Variants in OGDH observed in about 807,000 individuals in gnomAD.
OGDH encodes the protein oxoglutarate dehydrogenase.
OGDH carries 38 observed loss-of-function variants against 116.6 expected under a neutral mutation model. The ratio of observed to expected loss-of-function variants is 0.33; its 90% CI spans 0.25 to 0.43. The LOEUF is 0.43. Among genes scored for constraint, OGDH ranks in the 20% least tolerant of loss-of-function variants. The probability of loss-of-function intolerance (pLI) is 1.00; values close to 1 mark genes in which losing one functional copy is unlikely to be tolerated. For synonymous variants in OGDH, 488 were observed against 533.3 expected, an observed-to-expected ratio of 0.92 and a Z score of 1.17; for missense variants, 825 against 1,357.2, an observed-to-expected ratio of 0.61 and a Z score of 6.16.
At chr7:44,664,599 C>G (rs1278278959) in intron 4 of OGDH, among the ~76,000 whole-genome samples, 2 of 151,518 alleles carry the variant, frequency 1.3e-5, no homozygotes, top group African/African-American at 4.8e-5. Context: ...AAAAGAAATT[C>G]CAGGGAACTC....
Position 44,697,005 on chromosome 7 carries a change from C to A in OGDH, c.1992C>A (p.Leu664=), listed in dbSNP as rs764089530. The change falls in exon 15 of 23, where the codon CTC becomes CTA. Residue 664 remains leucine, a synonymous_variant. Coordinates refer to ENST00000222673, the MANE Select transcript of OGDH (RefSeq NM_002541.4). This position sits in a 1 kb window ranked among gnomAD's most constrained non-coding sequence, Gnocchi z 6.0. ...ALAEYMAFGS[L]LKEGIHIRLS... ...CGGAGTACATGGCGTTTGGCTCGCT[C>A]CTGAAGGAGGGCATCCACATTCGGC... The A allele has an allele frequency of 3.6e-5, 58 of 1,614,070 alleles. No homozygotes were observed. In the South Asian group the frequency reaches 4.2e-4, roughly 12 times the overall value.
At chr7:44,610,277 G>A (rs1041977405) in intron 1 of OGDH, among the ~76,000 whole-genome samples, 2 of 152,034 alleles carry the variant, frequency 1.3e-5, no homozygotes, top group African/African-American at 2.4e-5. Flanking sequence ...CTAGTCAGCA[G>A]CATGTCTTTT....
At chr7:44,634,539 C>T (rs1398537672) in intron 2 of OGDH, among the ~76,000 whole-genome samples, 4 of 152,202 alleles carry the variant, frequency 2.6e-5, no homozygotes, top group African/African-American at 7.2e-5. Flanking sequence ...ATTTACACAC[C>T]TGTACAGACA....
intron 10 of OGDH, among the ~76,000 whole-genome samples, chr7:44,687,091 A>ATTTTTTTTT (rs59074567): frequency 3.5e-4 from 33 of 95,540 alleles, no homozygotes; most frequent in Non-Finnish European, 4.5e-4. Context: ...ATTTTTTTTA[A>ATTTTTTTTT]TTTTTTTTTT....
intron 20 of OGDH, among the ~76,000 whole-genome samples, chr7:44,706,622 G>GGATTTT (rs1585409741): frequency 1.8e-5 from 2 of 112,304 alleles, no homozygotes; most frequent in African/African-American, 5.6e-5. Flanking sequence ...CGCCCGGCTG[G>GGATTTT]TATTTTTTTT....
chr7:44,623,474 T>C (rs751698701), intron 1 of OGDH, among the ~76,000 whole-genome samples: 78 of 77,526 alleles, frequency 1.0e-3, no homozygotes, highest in Non-Finnish European at 2.4e-3. Context: ...TACTCAGTAG[T>C]TTCTGGACAG....
At chr7:44,624,876 G>A (rs1785144296) in intron 2 of OGDH, among the ~76,000 whole-genome samples, 1 of 152,180 alleles carries the variant, frequency 6.6e-6, no homozygotes, top group African/African-American at 2.4e-5. Context: ...GAAAGAAAGT[G>A]TGTGGAAAAG....
At chr7:44,705,756 T>G (rs1012915433) in intron 20 of OGDH, among the ~76,000 whole-genome samples, 3 of 152,180 alleles carry the variant, frequency 2.0e-5, no homozygotes, top group African/African-American at 7.2e-5. Flanking sequence ...CCTCTTCTTA[T>G]TGTTCATTGT....
At chr7:44,683,909 C>T (rs752269594) in intron 10 of OGDH, among the ~76,000 whole-genome samples, 4 of 152,150 alleles carry the variant, frequency 2.6e-5, no homozygotes, top group Non-Finnish European at 4.4e-5. Flanking sequence ...TAGGCACTCT[C>T]CTAGGTACCA....
intron 2 of OGDH, among the ~76,000 whole-genome samples, chr7:44,643,928 C>T (rs1330411022): frequency 6.6e-6 from 1 of 152,010 alleles, no homozygotes; most frequent in Non-Finnish European, 1.5e-5. Context: ...GATGTTTTGC[C>T]AGGCGCGATG....
At chr7:44,634,381 C>T (rs1326131973) in intron 2 of OGDH, among the ~76,000 whole-genome samples, 3 of 152,216 alleles carry the variant, frequency 2.0e-5, no homozygotes, top group Non-Finnish European at 4.4e-5. Flanking sequence ...GGACAGCCCT[C>T]CACAGCTCTT....
chr7:44,642,259 AT>A (rs1329688505), intron 2 of OGDH, among the ~76,000 whole-genome samples: 1 of 152,136 alleles, frequency 6.6e-6, no homozygotes, highest in African/African-American at 2.4e-5. Flanking sequence ...CCACAAAAAA[AT>A]ATTTAGTAAA....
chr7:44,614,875 C>T (rs1265204967), intron 1 of OGDH, among the ~76,000 whole-genome samples: 2 of 135,630 alleles, frequency 1.5e-5, no homozygotes, highest in South Asian at 2.3e-4. Flanking sequence ...CTCGCTCTGT[C>T]GCCCAGGCTG....
chr7:44,697,460 T>G lies in OGDH; in HGVS notation c.2142T>G (p.Thr714=). 1 of 1,614,188 alleles carries G rather than the reference T, an allele frequency of 6.2e-7. No homozygotes were observed. The highest frequency in any genetic ancestry group is 8.5e-7 in the Non-Finnish European group (1 of 1,180,036). Residue 714 remains threonine (T), a synonymous_variant, in exon 16 of 23, where the codon ACT becomes ACG. Transcript: ENST00000222673. The surrounding 1 kb of genome is among the most constrained non-coding windows in gnomAD (Gnocchi z 6.0). ...TCTGGCCCAATCAGGCCCCCTATAC[T>G]GTGTGCAACAGCTCACTGTCTGAGT... is the stretch of plus-strand genomic sequence containing the variant. ...NHLWPNQAPY[T]VCNSSLSEYG...
rs752504320 is a variant in OGDH at position 44,707,949 on chromosome 7, C to T, written c.3022C>T (p.Arg1008Cys). ...GAAGACCCACCTGACGGAGCTGCAG[C>T]GCCTCCTGGACACGGCCTTCGACCT... ...NKKTHLTELQ[R>C]LLDTAFDLDV... is the part of the protein sequence containing the mutation. Residue 1008 changes from arginine to cysteine, a missense_variant, in exon 23 of 23, where the codon CGC becomes TGC. This residue lies in a region of OGDH where 212 missense variants were observed against 284.3 expected (regional missense o/e 0.75). Transcript: ENST00000222673. The surrounding 1 kb of genome is among the most constrained non-coding windows in gnomAD (Gnocchi z 5.2). The T allele has an allele frequency of 2.5e-6, 4 of 1,613,750 alleles. No homozygotes were observed. The highest frequency in any genetic ancestry group is 3.4e-6 in the Non-Finnish European group (4 of 1,180,026).
At chr7:44,676,608 GTGTGTGTATA>G in intron 9 of OGDH, 1 of 121,586 alleles carries the variant, frequency 8.2e-6, no homozygotes, top group African/African-American at 5.8e-5. Flanking sequence ...GTATGTGTGT[GTGTGTGTATA>G]TATATATATA....
At chr7:44,680,539 T>TACACACACACACAC (rs56718274) in intron 9 of OGDH, among the ~76,000 whole-genome samples, 50 of 145,952 alleles carry the variant, frequency 3.4e-4, no homozygotes, top group African/African-American at 9.9e-4. Context: ...TTTTATTGCA[T>TACACACACACACAC]ACACACACAC....
intron 2 of OGDH, among the ~76,000 whole-genome samples, chr7:44,631,432 C>A (rs952198349): frequency 1.3e-5 from 2 of 152,190 alleles, no homozygotes; most frequent in African/African-American, 4.8e-5. Flanking sequence ...TTTCAACCCT[C>A]ACTCTCCTAC....
At chr7:44,648,154 C>CA (rs916674869) in intron 4 of OGDH, among the ~76,000 whole-genome samples, 1 of 152,224 alleles carries the variant, frequency 6.6e-6, no homozygotes, top group Non-Finnish European at 1.5e-5. Context: ...CTGACACAGC[C>CA]ATCCTTTTCT....
Sources: gnomAD v4.1 joint callset for allele counts (sites outside exome capture counted in the v4.1 genomes callset) on GRCh38, gnomAD v4.1.1 for gene constraint, gnomAD v4.1.1 regional missense constraint, Gnocchi (gnomAD v3.1) non-coding constraint, MANE v1.5 for transcripts, NCBI Gene and HGNC (gene_info 2026-07-23, HGNC 2026-07-21) for gene names.